MAP3K14: variants seen among roughly 807,000 people sequenced by gnomAD.
MAP3K14 encodes NF-kappa-beta-inducing kinase.
In MAP3K14, 16 loss-of-function variants were observed where a neutral mutation model predicts 99.2. The observed-to-expected ratio is 0.16, with a 90% CI of 0.11 to 0.24. MAP3K14 has a LOEUF of 0.24. Among genes scored for constraint, MAP3K14 ranks in the 10% least tolerant of loss-of-function variants. The pLI, the probability that MAP3K14 is intolerant of heterozygous loss-of-function variation, is 1.00. For synonymous variants in MAP3K14, 462 were observed against 492.4 expected, an observed-to-expected ratio of 0.94 and a Z score of 0.82; for missense variants, 784 against 1,208.7, an observed-to-expected ratio of 0.65 and a Z score of 5.21.
intron 1 of MAP3K14, among the ~76,000 whole-genome samples, chr17:45,308,671 CTTT>C (rs904247220): frequency 7.2e-6 from 1 of 138,458 alleles, no homozygotes. Flanking sequence ...CCCAGCTAAT[CTTT>C]TTTTTTTTTT....
chr17:45,270,775 C>T (rs1218801218), intron 10 of MAP3K14: 7 of 792,072 alleles, frequency 8.8e-6, no homozygotes, highest in Admixed American at 3.0e-5. Context: ...GGCAGCAAGA[C>T]GCCCACAGCC....
intron 1 of MAP3K14, among the ~76,000 whole-genome samples, chr17:45,301,072 GT>G (rs1475742463): frequency 7.2e-5 from 11 of 151,954 alleles, no homozygotes; most frequent in Non-Finnish European, 1.6e-4. Context: ...GGAGGCTGAG[GT>G]GGAAGGATTG....
intron 1 of MAP3K14, among the ~76,000 whole-genome samples, chr17:45,304,214 G>T (rs1264847876): frequency 6.6e-6 from 1 of 151,844 alleles, no homozygotes; most frequent in Non-Finnish European, 1.5e-5. Context: ...ATGTTGGTCA[G>T]GCTGGTCTTG....
intron 8 of MAP3K14, 34 bp downstream of exon 8, chr17:45,274,089 G>A (rs1290503962): frequency 6.2e-7 from 1 of 1,600,254 alleles, no homozygotes; most frequent in Non-Finnish European, 8.5e-7. Flanking sequence ...AGAAGAGCCT[G>A]CTGGGGATCA....
chr17:45,309,566 A>G (rs896522558), intron 1 of MAP3K14, among the ~76,000 whole-genome samples: 20 of 152,180 alleles, frequency 1.3e-4, no homozygotes, highest in African/African-American at 4.6e-4. Flanking sequence ...AAGGACAGAC[A>G]CACTTCTGAG....
intron 1 of MAP3K14, among the ~76,000 whole-genome samples, chr17:45,297,510 ACAAT>A (rs1285574575): frequency 6.6e-6 from 1 of 152,168 alleles, no homozygotes; most frequent in Non-Finnish European, 1.5e-5. Context: ...TTTTCTTGAA[ACAAT>A]CAAACAAATG....
chr17:45,286,369 G>C lies in MAP3K14; in HGVS notation c.1152+62C>G, dbSNP rs2044264019. On this transcript the variant is annotated intron_variant, in intron 5 of 15. Coordinates refer to ENST00000344686, the MANE Select transcript of MAP3K14 (RefSeq NM_003954.5). This position sits in a 1 kb window ranked among gnomAD's most constrained non-coding sequence, Gnocchi z 4.1. ...CAGGCAAGAGTGACTCTGATAAAGA[G>C]AGAAAAGCATCCCCCAGGTTGCTGG... 1 of 1,484,136 alleles carries C rather than the reference G, an allele frequency of 6.7e-7. No individual in the cohort carries two copies. Among genetic ancestry groups the C allele is most frequent in the East Asian group, 2.4e-5 (1 of 42,050 alleles). 91.9% of individuals were successfully genotyped at this position (1,484,136 alleles called of 1,614,324 possible).
At chr17:45,282,941 C>T (rs1236494333) in intron 6 of MAP3K14, among the ~76,000 whole-genome samples, 2 of 152,234 alleles carry the variant, frequency 1.3e-5, no homozygotes, top group Non-Finnish European at 2.9e-5. Context: ...ACTGCATTCT[C>T]CGGGGTGGGA....
Position 45,284,881 on chromosome 17 carries a change from G to T in MAP3K14, c.1221C>A (p.Gly407=), listed in dbSNP as rs767399522. The stretch of plus-strand genomic sequence containing the variant: ...TGTGCACCTCTCCGAAGGAGCCTCT[G>T]CCCAGGCGGAGCTGGTGCGTGGCCC... ...VHWATHQLRL[G]RGSFGEVHRM... The change falls in exon 6 of 16, where the codon GGC becomes GGA. Residue 407 remains glycine (G), a synonymous_variant. Transcript: ENST00000344686. The T allele has an allele frequency of 6.4e-7, 1 of 1,570,270 alleles. No individual in the cohort carries two copies. The highest frequency in any genetic ancestry group is 1.2e-5 in the South Asian group (1 of 85,128).
intron 1 of MAP3K14, among the ~76,000 whole-genome samples, chr17:45,304,605 T>G (rs1568001370): frequency 6.6e-6 from 1 of 152,222 alleles, no homozygotes; most frequent in Non-Finnish European, 1.5e-5. Context: ...GCTGTGAAGA[T>G]GCTATCCTTG....
intron 1 of MAP3K14, among the ~76,000 whole-genome samples, chr17:45,301,590 T>C (rs552668237): frequency 6.6e-6 from 1 of 152,304 alleles, no homozygotes; most frequent in African/African-American, 2.4e-5. Flanking sequence ...TTATAAATCA[T>C]TTTAACAATA....
chr17:45,264,131 T>TATCA lies in MAP3K14; in HGVS notation c.*504_*505insTGAT. The TATCA allele has an allele frequency of 6.5e-6, 1 of 152,860 alleles. No individual in the cohort carries two copies. The highest frequency in any genetic ancestry group is 1.5e-5 in the Non-Finnish European group (1 of 68,540). The allele number at this position is 152,860 out of a possible 1,614,324, so 9.5% of individuals were successfully genotyped here. ...TGGCCAGGTGAGGCCAGGCAAGGGG[T>TATCA]TTAGAGGGCCCCCTTAACCTACGGG... On this transcript the variant is annotated 3_prime_UTR_variant, in exon 16 of 16. Coordinates refer to ENST00000344686, the MANE Select transcript of MAP3K14 (RefSeq NM_003954.5).
chr17:45,300,193 GC>G (rs2044375509), intron 1 of MAP3K14, among the ~76,000 whole-genome samples: 1 of 152,202 alleles, frequency 6.6e-6, no homozygotes, highest in Non-Finnish European at 1.5e-5. Flanking sequence ...ACCACCACAT[GC>G]CTGATGATGG....
intron 1 of MAP3K14, among the ~76,000 whole-genome samples, chr17:45,311,390 T>C (rs1389242222): frequency 6.6e-6 from 1 of 152,210 alleles, no homozygotes; most frequent in African/African-American, 2.4e-5. Flanking sequence ...CAAGCCCTCC[T>C]TGTAGTTGGT....
rs1004757070 is a variant in MAP3K14 at position 45,286,281 on chromosome 17, C to T, written c.1152+150G>A. On this transcript the variant is annotated intron_variant, in intron 5 of 15. Coordinates refer to ENST00000344686, the MANE Select transcript of MAP3K14 (RefSeq NM_003954.5). The surrounding 1 kb of genome is among the most constrained non-coding windows in gnomAD (Gnocchi z 4.1). ...AAAAGGCTGTGAGAAGTGAGATTGGCGGAATAAGAGATGATACTTTTCATC... is the reference window on the plus strand; with the variant it reads ...AAAAGGCTGTGAGAAGTGAGATTGGTGGAATAAGAGATGATACTTTTCATC... 23 of 1,050,700 alleles carry T rather than the reference C, an allele frequency of 2.2e-5. No individual in the cohort carries two copies. The highest frequency in any genetic ancestry group is 6.5e-5 in the African/African-American group (4 of 61,958). 65.1% of individuals were successfully genotyped at this position (1,050,700 alleles called of 1,614,324 possible).
rs1443141448 is a variant in MAP3K14, at chr17:45,272,126, A to AG, written c.1658-906dup. Among the ~76,000 whole-genome samples, 1 of 152,036 alleles carries AG rather than the reference A, an allele frequency of 6.6e-6. No homozygotes were observed. The highest frequency in any genetic ancestry group is 1.5e-5 in the Non-Finnish European group (1 of 67,996). On this transcript the variant is annotated intron_variant, in intron 9 of 15. Transcript: ENST00000344686. This position sits in a 1 kb window ranked among gnomAD's most constrained non-coding sequence, Gnocchi z 4.1. ...TGCTTAAATCCAGGAATTTAAGACCAGCCTGGGCAACATACTGAGACCCCA... is the reference window on the plus strand; with the variant it reads ...TGCTTAAATCCAGGAATTTAAGACCAGGCCTGGGCAACATACTGAGACCCCA...
rs763857120 is a variant in MAP3K14, at chr17:45,287,058, A to T, written c.538-13T>A. 1 of 1,609,162 alleles carries T rather than the reference A, an allele frequency of 6.2e-7. No homozygotes were observed. Among genetic ancestry groups the T allele is most frequent in the Admixed American group, 1.7e-5 (1 of 59,788 alleles). On this transcript the variant is annotated splice_polypyrimidine_tract_variant and intron_variant, in intron 4 of 15. Coordinates refer to ENST00000344686, the MANE Select transcript of MAP3K14 (RefSeq NM_003954.5). ...GAGACTCATCCTCCTGCGGGGGGAA[A>T]CACAGCTATCAGCACAGAGGGCCAG...
rs2044097041 is a variant in MAP3K14, at chr17:45,267,354, G to A, written c.2326+52C>T. ...GTAAAGAGAAACACCGGCCTCCGCG[G>A]GTGGCCCAGGGCCAGTGCTCAGGGC... On this transcript the variant is annotated intron_variant, in intron 12 of 15. Coordinates refer to ENST00000344686, the MANE Select transcript of MAP3K14 (RefSeq NM_003954.5). The surrounding 1 kb of genome is among the most constrained non-coding windows in gnomAD (Gnocchi z 5.1). 2.0e-6 allele frequency: 3 copies of A among 1,518,634 alleles called. No individual in the cohort carries two copies. 94.1% of individuals were successfully genotyped at this position (1,518,634 alleles called of 1,614,324 possible).
intron 1 of MAP3K14, 59 bp from the exon 2 acceptor site, chr17:45,290,824 G>A (rs1017116503): frequency 3.8e-6 from 6 of 1,558,752 alleles, no homozygotes; most frequent in African/African-American, 1.4e-5. Flanking sequence ...GAGAACACAG[G>A]TCAGCCTTGG....
Sources: gnomAD v4.1 joint callset for allele counts (sites outside exome capture counted in the v4.1 genomes callset) on GRCh38, gnomAD v4.1.1 for gene constraint, Gnocchi (gnomAD v3.1) non-coding constraint, MANE v1.5 for transcripts, NCBI Gene and HGNC (gene_info 2026-07-23, HGNC 2026-07-21) for gene names.